The following POU2F1 variants were observed in gnomAD, a reference collection of about 807,000 sequenced individuals.
POU2F1 encodes the protein POU class 2 homeobox 1.
In POU2F1, 16 loss-of-function variants were observed where a neutral mutation model predicts 84.9. The ratio of observed to expected loss-of-function variants is 0.19; its 90% CI spans 0.13 to 0.29. POU2F1 has a LOEUF of 0.29. Among genes scored for constraint, POU2F1 ranks in the 10% least tolerant of loss-of-function variants. The probability of loss-of-function intolerance (pLI) is 1.00; values close to 1 mark genes in which losing one functional copy is unlikely to be tolerated. For missense variants in POU2F1, 738 were observed against 942.6 expected (o/e 0.78, Z 2.84); for synonymous variants, 368 against 368.3 (o/e 1.00, Z 0.01).
chr1:167,399,120 T>G, intron 11 of POU2F1, 66 bp from the exon 12 acceptor site: 1 of 1,463,682 alleles, frequency 6.8e-7, no homozygotes, highest in East Asian at 2.3e-5. Flanking sequence ...CTGACGTGAT[T>G]ATGCCAGTAG....
At chr1:167,348,179 C>G (rs1234970061) in intron 2 of POU2F1, among the ~76,000 whole-genome samples, 1 of 152,102 alleles carries the variant, frequency 6.6e-6, no homozygotes, top group Non-Finnish European at 1.5e-5. Flanking sequence ...CCTGTTTCTC[C>G]TAGGCTACAA....
At chr1:167,370,118 A>G (rs374760632) in intron 3 of POU2F1, 43 bp from the exon 4 acceptor site, 2 of 1,519,096 alleles carry the variant, frequency 1.3e-6, no homozygotes, top group African/African-American at 1.4e-5. Context: ...CTTGTGATGA[A>G]TGTCAACAGT....
At chr1:167,264,355 C>G (rs931437530) in intron 1 of POU2F1, among the ~76,000 whole-genome samples, 1 of 151,890 alleles carries the variant, frequency 6.6e-6, no homozygotes, top group South Asian at 2.1e-4. Flanking sequence ...GCACCAAGGC[C>G]CCCAAGTGGA....
rs1015123146 is a variant in POU2F1 at position 167,414,383 on chromosome 1, T to A, written c.1991-1117T>A. On this transcript the variant is annotated intron_variant, in intron 15 of 15. Coordinates refer to ENST00000367866, the MANE Select transcript of POU2F1 (RefSeq NM_002697.4). The stretch of plus-strand genomic sequence containing the variant: ...ACTAAGTTTGGAATCTCAGAAAAAC[T>A]TCAAGCTGCACTGTCTCACTGTTCT... 1.2e-5 allele frequency: 12 copies of A among 985,332 alleles called. No homozygotes were observed. The African/African-American group carries it at 1.9e-4, about 16-fold the overall frequency. 61.0% of individuals were successfully genotyped at this position (985,332 alleles called of 1,614,324 possible).
At chr1:167,266,303 A>G (rs1468054676) in intron 1 of POU2F1, among the ~76,000 whole-genome samples, 1 of 152,180 alleles carries the variant, frequency 6.6e-6, no homozygotes, top group Non-Finnish European at 1.5e-5. Context: ...TGGATTTGGA[A>G]ATATCCAGTG....
chr1:167,395,175 C>T (rs1335057317), intron 9 of POU2F1, among the ~76,000 whole-genome samples: 2 of 152,126 alleles, frequency 1.3e-5, no homozygotes. Context: ...AGAGATTCAG[C>T]AAGAAGAAAA....
intron 7 of POU2F1, among the ~76,000 whole-genome samples, chr1:167,381,436 C>T (rs1647541229): frequency 6.6e-6 from 1 of 151,976 alleles, no homozygotes; most frequent in South Asian, 2.1e-4. Context: ...TCAGCCTTTT[C>T]AGCTGACCTT....
chr1:167,401,308 T>G, intron 12 of POU2F1, 143 bp from the exon 13 acceptor site: 1 of 540,046 alleles, frequency 1.9e-6, no homozygotes, highest in Middle Eastern at 4.8e-4. Flanking sequence ...GTGATATCAG[T>G]GAACAACCAT....
chr1:167,286,915 C>G (rs1224459430), intron 1 of POU2F1, among the ~76,000 whole-genome samples: 1 of 152,108 alleles, frequency 6.6e-6, no homozygotes, highest in East Asian at 1.9e-4. Flanking sequence ...GAAGGATTTC[C>G]CCAGGGCAAT....
intron 1 of POU2F1, among the ~76,000 whole-genome samples, chr1:167,274,706 G>A (rs546709930): frequency 6.6e-6 from 1 of 152,082 alleles, no homozygotes; most frequent in Non-Finnish European, 1.5e-5. Flanking sequence ...TTTCCGAAAG[G>A]GTTGGGAGTT....
intron 7 of POU2F1, chr1:167,380,965 T>C (rs527724652): frequency 1.3e-5 from 2 of 152,344 alleles, no homozygotes; most frequent in South Asian, 4.1e-4. Context: ...CTGCCCTATC[T>C]ACTCTCAGCA....
chr1:167,244,581 GT>G (rs1423149714), intron 1 of POU2F1, among the ~76,000 whole-genome samples: 1 of 152,152 alleles, frequency 6.6e-6, no homozygotes, highest in Admixed American at 6.5e-5. Context: ...TCAGTATTCT[GT>G]TTATTAGAAG....
rs1022969349 is a variant in POU2F1, at chr1:167,294,099, G to A, written c.62-38371G>A. ...TGTAATCCCAGCACTTTGGGAGGCCGAGGCGGGCGGATCACAAGGTCAGGA... is the reference window on the plus strand; with the variant it reads ...TGTAATCCCAGCACTTTGGGAGGCCAAGGCGGGCGGATCACAAGGTCAGGA... On this transcript the variant is annotated intron_variant, in intron 1 of 15. Coordinates refer to ENST00000367866, the MANE Select transcript of POU2F1 (RefSeq NM_002697.4). Among the ~76,000 whole-genome samples the A allele has an allele frequency of 6.0e-5, 9 of 149,946 alleles. No homozygotes were observed. In the East Asian group the frequency reaches 1.6e-3, roughly 26 times the overall value.
rs3059735 is a variant in POU2F1, at chr1:167,311,771, C to CATTTATTTATTTATTT, written c.62-20674_62-20659dup. Among the ~76,000 whole-genome samples, 425 of 144,728 alleles carry CATTTATTTATTTATTT rather than the reference C, an allele frequency of 2.9e-3. 3 individuals carry two copies. The highest frequency in any genetic ancestry group is 3.7e-3 in the Non-Finnish European group (242 of 66,242). The allele number at this position is 144,728 out of a possible 152,430, so 94.9% of individuals were successfully genotyped here. On this transcript the variant is annotated intron_variant, in intron 1 of 15. Coordinates refer to ENST00000367866, the MANE Select transcript of POU2F1 (RefSeq NM_002697.4). ...GCTACTATGGGTTATTACAAAAAAT[C>CATTTATTTATTTATTT]ATTTATTTATTTATTTATTTATTTA... is the stretch of plus-strand genomic sequence containing the variant.
chr1:167,356,163 C>CTTTTT (rs1187844604), intron 2 of POU2F1, among the ~76,000 whole-genome samples: 18 of 129,832 alleles, frequency 1.4e-4, no homozygotes, highest in Middle Eastern at 3.9e-3. Context: ...TTTTCTTTTT[C>CTTTTT]TTTTTTTTTT....
intron 1 of POU2F1, chr1:167,318,960 A>G (rs184419776): frequency 6.5e-6 from 1 of 153,636 alleles, no homozygotes; most frequent in East Asian, 1.9e-4. Flanking sequence ...CACCGCTATC[A>G]TAGCTATCAT....
chr1:167,305,637 A>T (rs1222818518), intron 1 of POU2F1, among the ~76,000 whole-genome samples: 1 of 152,220 alleles, frequency 6.6e-6, no homozygotes, highest in Non-Finnish European at 1.5e-5. Context: ...GAGAAGGTAC[A>T]TTTGATTGCC....
chr1:167,370,800 T>C (rs1359493078), intron 4 of POU2F1, among the ~76,000 whole-genome samples: 1 of 152,246 alleles, frequency 6.6e-6, no homozygotes, highest in Non-Finnish European at 1.5e-5. Flanking sequence ...TAATTAAACC[T>C]GTTTGTAGAT....
chr1:167,303,269 T>G (rs1046495493), intron 1 of POU2F1, among the ~76,000 whole-genome samples: 1 of 152,222 alleles, frequency 6.6e-6, no homozygotes, highest in Non-Finnish European at 1.5e-5. Context: ...ATCTCCATGG[T>G]CCTTTAGTAA....
Sources: allele counts gnomAD v4.1 joint callset (sites outside exome capture counted in the v4.1 genomes callset), GRCh38; gene constraint gnomAD v4.1.1; transcripts MANE v1.5; gene names NCBI Gene and HGNC (gene_info 2026-07-23, HGNC 2026-07-21).